The following ARHGAP35 variants were observed in gnomAD, a reference collection of about 807,000 sequenced individuals.
The protein encoded by ARHGAP35 is rho GTPase-activating protein 35.
ARHGAP35 carries 15 observed loss-of-function variants against 111.1 expected under a neutral mutation model. That is an observed-to-expected ratio of 0.13 (90% CI 0.09 to 0.21). ARHGAP35 has a LOEUF of 0.21. Among genes scored for constraint, ARHGAP35 ranks in the 10% least tolerant of loss-of-function variants. The pLI is 1.00. For missense variants in ARHGAP35, 1,262 were observed against 1,873.0 expected (o/e 0.67, Z 6.02); for synonymous variants, 643 against 710.3 (o/e 0.91, Z 1.51).
rs925745919 is a variant in ARHGAP35, at chr19:46,999,589, G to A, written c.4142+180G>A. The A allele has an allele frequency of 1.0e-5, 6 of 590,982 alleles. No homozygotes were observed. Among genetic ancestry groups the A allele is most frequent in the East Asian group, 2.8e-5 (1 of 35,856 alleles). The allele number at this position is 590,982 out of a possible 1,614,324, so 36.6% of individuals were successfully genotyped here. On this transcript the variant is annotated intron_variant, in intron 6 of 6. Transcript: ENST00000672722. The surrounding 1 kb of genome is among the most constrained non-coding windows in gnomAD (Gnocchi z 5.4). ...TCGGTGCCCAGAGCCTCTGCCTCTC[G>A]CCCATCCTCAGGCCTCCCTCCTGCT...
In ARHGAP35 at chr19:46,986,691, C is replaced by G. The variant is rs2056652077; in HGVS notation, c.3827-1298C>G. 6.6e-6 allele frequency among the ~76,000 whole-genome samples: 1 copy of G among 152,122 alleles called. No individual in the cohort carries two copies. The highest frequency in any genetic ancestry group is 1.5e-5 in the Non-Finnish European group (1 of 68,032). ...ATTACTTAATATTCATAGACTTTCT[C>G]AAGTTCAAAATAAGAACACTAGGAA... On this transcript the variant is annotated intron_variant, in intron 3 of 6. Transcript: ENST00000672722. The surrounding 1 kb of genome is among the most constrained non-coding windows in gnomAD (Gnocchi z 4.3).
intron 3 of ARHGAP35, among the ~76,000 whole-genome samples, chr19:46,971,292 G>A (rs1428632253): frequency 1.3e-5 from 2 of 151,838 alleles, no homozygotes; most frequent in East Asian, 2.0e-4. Context: ...TGTAGTCCCA[G>A]CTACTCGGGA....
Position 46,919,842 on chromosome 19 carries a change from T to C in ARHGAP35, c.1167T>C (p.Asp389=). ...TTGTGCTTGAAGAGACCCCATGGGA[T>C]GCCACCAGTCACATTGACAACATGG... ...WFVVLEETPW[D]ATSHIDNMEN... is the part of the protein sequence containing the mutation. The change falls in exon 2 of 7, where the codon GAT becomes GAC. Residue 389 remains aspartate (D), a synonymous_variant. Transcript: ENST00000672722. This position sits in a 1 kb window ranked among gnomAD's most constrained non-coding sequence, Gnocchi z 6.2. 1 of 1,614,060 alleles carries C rather than the reference T, an allele frequency of 6.2e-7. No homozygotes were observed. Among genetic ancestry groups the C allele is most frequent in the Non-Finnish European group, 8.5e-7 (1 of 1,179,902 alleles).
intron 3 of ARHGAP35, among the ~76,000 whole-genome samples, chr19:46,956,684 C>T (rs1316964864): frequency 6.6e-6 from 1 of 152,152 alleles, no homozygotes; most frequent in African/African-American, 2.4e-5. Context: ...GACTGTAATA[C>T]ATCAGTGTGA....
chr19:46,887,928 A>G (rs2056000436), intron 1 of ARHGAP35, among the ~76,000 whole-genome samples: 1 of 147,420 alleles, frequency 6.8e-6, no homozygotes, highest in Non-Finnish European at 1.5e-5. Flanking sequence ...TGGAACCCTC[A>G]TTGTGCTGGT....
chr19:46,931,149 A>G (rs1484429160), intron 2 of ARHGAP35, among the ~76,000 whole-genome samples: 3 of 152,196 alleles, frequency 2.0e-5, no homozygotes, highest in Non-Finnish European at 2.9e-5. Flanking sequence ...AGCACAGTGT[A>G]AGGAGAAATG....
chr19:46,947,892 T>C (rs935204621), intron 3 of ARHGAP35: 27 of 152,190 alleles, frequency 1.8e-4, no homozygotes, highest in African/African-American at 6.5e-4. Flanking sequence ...TGGTTTATTA[T>C]AAAGAATATT....
At chr19:46,917,636 TA>T (rs1185364772) in intron 1 of ARHGAP35, among the ~76,000 whole-genome samples, 1 of 152,136 alleles carries the variant, frequency 6.6e-6, no homozygotes, top group Non-Finnish European at 1.5e-5. Flanking sequence ...AAAGGTTGAA[TA>T]ATATTATATT....
intron 2 of ARHGAP35, among the ~76,000 whole-genome samples, chr19:46,929,320 A>G (rs1257037578): frequency 6.6e-6 from 1 of 152,200 alleles, no homozygotes; most frequent in African/African-American, 2.4e-5. Flanking sequence ...TGGAAATAGA[A>G]GAGAATAATT....
intron 1 of ARHGAP35, among the ~76,000 whole-genome samples, chr19:46,915,685 C>T (rs2122187414): frequency 6.6e-6 from 1 of 152,278 alleles, no homozygotes; most frequent in Non-Finnish European, 1.5e-5. Context: ...ATTTCAGATT[C>T]TCCTCTTTGT....
chr19:46,987,927 C>A, intron 3 of ARHGAP35, 62 bp from the exon 4 acceptor site: 3 of 1,541,608 alleles, frequency 1.9e-6, no homozygotes, highest in Non-Finnish European at 2.7e-6. Flanking sequence ...TCTTCGAGCC[C>A]AGCCCTCCTC....
chr19:46,899,601 G>A (rs2056074019), intron 1 of ARHGAP35, among the ~76,000 whole-genome samples: 1 of 151,882 alleles, frequency 6.6e-6, no homozygotes, highest in South Asian at 2.1e-4. Context: ...TCAGGTAACT[G>A]CAGCGGGAGG....
chr19:46,906,578 A>G (rs367753113), intron 1 of ARHGAP35, among the ~76,000 whole-genome samples: 4 of 152,224 alleles, frequency 2.6e-5, no homozygotes, highest in Non-Finnish European at 2.9e-5. Context: ...GTGAATACCA[A>G]TATAACCACT....
chr19:46,899,497 C>G (rs2056073378), intron 1 of ARHGAP35, among the ~76,000 whole-genome samples: 1 of 151,996 alleles, frequency 6.6e-6, no homozygotes, highest in Admixed American at 6.6e-5. Flanking sequence ...AGTTCCAGAC[C>G]AGCCTGGCCA....
intron 1 of ARHGAP35, among the ~76,000 whole-genome samples, chr19:46,881,519 G>T (rs1375062269): frequency 1.3e-5 from 2 of 152,138 alleles, no homozygotes; most frequent in African/African-American, 2.4e-5. Flanking sequence ...GTAATATTTT[G>T]AGAAGAATCT....
At chr19:46,964,277 C>G (rs1428779016) in intron 3 of ARHGAP35, among the ~76,000 whole-genome samples, 2 of 141,068 alleles carry the variant, frequency 1.4e-5, no homozygotes, top group African/African-American at 5.3e-5. Context: ...CTTTTCTTTT[C>G]TTTTTGAGAC....
chr19:46,989,425 AGTCCTGAGGCC>A lies in ARHGAP35; in HGVS notation c.3905-115_3905-105del. 3.0e-6 allele frequency: 4 copies of A among 1,340,056 alleles called. No individual in the cohort carries two copies. The South Asian group carries it at 5.5e-5, about 18-fold the overall frequency. The allele number at this position is 1,340,056 out of a possible 1,614,324, so 83.0% of individuals were successfully genotyped here. A position where few individuals can be genotyped will look rare whatever the true frequency, so the allele number is the denominator to read the frequency against. On this transcript the variant is annotated intron_variant, in intron 4 of 6. Coordinates refer to ENST00000672722, the MANE Select transcript of ARHGAP35 (RefSeq NM_004491.5). This position sits in a 1 kb window ranked among gnomAD's most constrained non-coding sequence, Gnocchi z 5.3. ...AAGTCCCACCCCTCCAATCCTTGCC[AGTCCTGAGGCC>A]GTCTCTGGCTCCTTGAGGTTTCTCT...
chr19:46,923,102 C>CTT (rs397976247), intron 2 of ARHGAP35, among the ~76,000 whole-genome samples: 2,056 of 123,622 alleles, frequency 0.017, 101 homozygotes, highest in African/African-American at 0.056. Flanking sequence ...AATGAAGTCT[C>CTT]TTTTTTTTTT....
Position 46,988,112 on chromosome 19 carries a change from G to T in ARHGAP35, c.3904+46G>T, listed in dbSNP as rs1447911452. ...GCATCCGAGGCCAGAGCTGGTCAAG[G>T]CAGACACAGCTGCCTCGGTGAACTG... On this transcript the variant is annotated intron_variant, in intron 4 of 6. Transcript: ENST00000672722. The surrounding 1 kb of genome is among the most constrained non-coding windows in gnomAD (Gnocchi z 5.4). The T allele has an allele frequency of 6.4e-7, 1 of 1,572,764 alleles. No homozygotes were observed. Among genetic ancestry groups the T allele is most frequent in the Admixed American group, 1.7e-5 (1 of 58,068 alleles).
Sources: allele counts gnomAD v4.1 joint callset (sites outside exome capture counted in the v4.1 genomes callset), GRCh38; gene constraint gnomAD v4.1.1; non-coding constraint Gnocchi (gnomAD v3.1); transcripts MANE v1.5; gene names NCBI Gene and HGNC (gene_info 2026-07-23, HGNC 2026-07-21).